The following CFAP54 variants were observed in gnomAD, a reference collection of about 807,000 sequenced individuals.
CFAP54 encodes the protein cilia- and flagella-associated protein 54.
Under a neutral mutation model 370.4 loss-of-function variants are expected in CFAP54, and 290 were observed. That is an observed-to-expected ratio of 0.78 (90% CI 0.71 to 0.86). CFAP54 has a LOEUF of 0.86. CFAP54 is among the 40% of genes least tolerant of loss of function. CFAP54 has a pLI of 0.00. For missense variants in CFAP54, 3,399 were observed against 3,528.7 expected (o/e 0.96, Z 0.93); for synonymous variants, 1,206 against 1,236.5 (o/e 0.98, Z 0.52).
At position 96,594,389 on chromosome 12, in the gene CFAP54, T is replaced by A. The variant is rs1218098218; in HGVS notation, c.3459T>A (p.Cys1153Ter). Residue 1153 changes from cysteine (C) to a stop codon, truncating the protein, a stop_gained, in exon 25 of 68, where the codon TGT becomes TGA. Coordinates refer to ENST00000524981, the MANE Select transcript of CFAP54 (RefSeq NM_001306084.2). LOFTEE classifies it high-confidence loss of function. ...SSYALQAVTQ[C>*]YGLLAPIIYH... is the part of the protein sequence containing the mutation. ...ATGCCCTTCAAGCTGTGACTCAATG[T>A]TATGGACTTCTTGCTCCCATAATTT... The A allele has an allele frequency of 1.3e-6, 2 of 1,534,612 alleles. No individual in the cohort carries two copies. The highest frequency in any genetic ancestry group is 2.0e-5 in the Admixed American group (1 of 50,994).
intron 66 of CFAP54, among the ~76,000 whole-genome samples, chr12:96,834,850 G>A (rs1959181193): frequency 6.6e-6 from 1 of 152,226 alleles, no homozygotes; most frequent in Admixed American, 6.5e-5. Context: ...GAAGAATGAG[G>A]TACACAGACA....
intron 61 of CFAP54, among the ~76,000 whole-genome samples, chr12:96,785,988 G>T (rs1319712083): frequency 6.6e-6 from 1 of 152,100 alleles, no homozygotes; most frequent in Non-Finnish European, 1.5e-5. Context: ...ACCCTTATTG[G>T]CTCTTTTTGT....
chr12:96,693,376 A>G (rs573861741), intron 44 of CFAP54, among the ~76,000 whole-genome samples: 10 of 152,236 alleles, frequency 6.6e-5, no homozygotes, highest in Admixed American at 3.9e-4. Context: ...ATTTTTCCAC[A>G]GGCCACAGTG....
intron 66 of CFAP54, among the ~76,000 whole-genome samples, chr12:96,856,214 C>T (rs112804374): frequency 0.015 from 2,319 of 152,260 alleles, 69 homozygotes; most frequent in African/African-American, 0.053. Flanking sequence ...TTTTTCCCTC[C>T]TAGACCCTGG....
At chr12:96,620,834 G>C (rs1956479122) in intron 26 of CFAP54, among the ~76,000 whole-genome samples, 1 of 152,228 alleles carries the variant, frequency 6.6e-6, no homozygotes, top group Admixed American at 6.5e-5. Flanking sequence ...GCAGACAGCT[G>C]TTCTGGGAAA....
In CFAP54 at chr12:96,699,638, CA is replaced by C. The variant is rs541656249; in HGVS notation, c.6352-325del. Among the ~76,000 whole-genome samples, 464 of 151,498 alleles carry C rather than the reference CA, an allele frequency of 3.1e-3. 3 individuals carry two copies. The highest frequency in any genetic ancestry group is 0.01 in the African/African-American group (424 of 41,314). ...TTTGAGCTATAGTTAGTAATGGGAA[CA>C]AAAAAAATCATTAAAAAAACTTTTA... On this transcript the variant is annotated intron_variant, in intron 45 of 67. Coordinates refer to ENST00000524981, the MANE Select transcript of CFAP54 (RefSeq NM_001306084.2).
intron 39 of CFAP54, among the ~76,000 whole-genome samples, chr12:96,666,140 A>G (rs530529010): frequency 7.9e-5 from 12 of 152,342 alleles, no homozygotes; most frequent in African/African-American, 2.9e-4. Context: ...AGAGATATTG[A>G]TAGGCAAAAA....
In CFAP54 at chr12:96,672,380, T is replaced by C. The variant is rs148374561; in HGVS notation, c.5564-7220T>C. Among the ~76,000 whole-genome samples the C allele has an allele frequency of 1.7e-3, 253 of 152,236 alleles. 2 individuals carry two copies. Among genetic ancestry groups the C allele is most frequent in the Non-Finnish European group, 2.7e-3 (187 of 68,014 alleles). Reference sequence around the variant, plus strand: ...AAGGTAGAGATGGAAAGCATTCTCATTGGGTACTGGAAGTTTTCTCAATGA... The same window carrying C: ...AAGGTAGAGATGGAAAGCATTCTCACTGGGTACTGGAAGTTTTCTCAATGA... On this transcript the variant is annotated intron_variant, in intron 39 of 67. Coordinates refer to ENST00000524981, the MANE Select transcript of CFAP54 (RefSeq NM_001306084.2).
rs180986665 is a variant in CFAP54, at chr12:96,538,460, G to A, written c.1868G>A (p.Arg623Gln). ...LWQKCKLGIQ[R>Q]LNISRNDYAK... ...CAGAAATGCAAATTAGGAATTCAGC[G>A]GCTCAATATATCCAGAAATGACTAT... Residue 623 changes from arginine (R) to glutamine (Q), a missense_variant, in exon 13 of 68, where the codon CGG (arginine) becomes CAG (glutamine). This residue lies in a region of CFAP54 where 2,796 missense variants were observed against 2,869.7 expected (regional missense o/e 0.97). Transcript: ENST00000524981. The A allele has an allele frequency of 9.6e-4, 1,480 of 1,535,982 alleles. 17 individuals carry two copies. The African/African-American group carries it at 0.018, about 19-fold the overall frequency.
chr12:96,581,076 A>G lies in CFAP54; in HGVS notation c.3046A>G (p.Thr1016Ala), dbSNP rs1193408567. The part of the protein sequence containing the change: ...KPILVYPPLS[T>A]ITARMFLTQV... ...AATTCTGGTTTATCCCCCTCTTTCTACTATTACTGCTCGGATGTTCCTGAC... is the reference window on the plus strand; with the variant it reads ...AATTCTGGTTTATCCCCCTCTTTCTGCTATTACTGCTCGGATGTTCCTGAC... Residue 1016 changes from threonine (T) to alanine (A), a missense_variant, in exon 22 of 68, where the codon ACT becomes GCT. By Grantham distance (58) the Thr-to-Ala change is moderately conservative. This residue lies in a region of CFAP54 where 2,796 missense variants were observed against 2,869.7 expected (regional missense o/e 0.97). Transcript: ENST00000524981. The G allele has an allele frequency of 1.3e-6, 2 of 1,519,640 alleles. No individual in the cohort carries two copies. The highest frequency in any genetic ancestry group is 2.1e-5 in the Admixed American group (1 of 47,938). The allele number at this position is 1,519,640 out of a possible 1,614,324, so 94.1% of individuals were successfully genotyped here.
intron 26 of CFAP54, among the ~76,000 whole-genome samples, chr12:96,602,288 A>G (rs1956251130): frequency 6.6e-6 from 1 of 152,140 alleles, no homozygotes; most frequent in South Asian, 2.1e-4. Flanking sequence ...CTTAATCCCG[A>G]GTTCTAATTT....
chr12:96,525,786 GT>G (rs947551073), intron 8 of CFAP54, among the ~76,000 whole-genome samples: 4 of 152,158 alleles, frequency 2.6e-5, no homozygotes, highest in African/African-American at 9.7e-5. Flanking sequence ...TGCCTCCTGG[GT>G]TCAAGCGATT....
intron 60 of CFAP54, among the ~76,000 whole-genome samples, chr12:96,770,682 G>A (rs1026684840): frequency 2.0e-5 from 3 of 152,236 alleles, no homozygotes; most frequent in Admixed American, 2.0e-4. Context: ...AAGGGGATGA[G>A]TGGCACCTGA....
intron 50 of CFAP54, among the ~76,000 whole-genome samples, chr12:96,726,475 A>G (rs1048043280): frequency 1.3e-5 from 2 of 152,214 alleles, no homozygotes; most frequent in Non-Finnish European, 2.9e-5. Context: ...AGGTGTTTAT[A>G]GTATTCTCTG....
chr12:96,650,073 G>T lies in CFAP54; in HGVS notation c.4872+1G>T. On this transcript the variant is annotated splice_donor_variant, in intron 35 of 67. Coordinates refer to ENST00000524981, the MANE Select transcript of CFAP54 (RefSeq NM_001306084.2). LOFTEE classifies it high-confidence loss of function. ...CTTTTTATACTGCAGGAGAGCAATGGTAATGCAATCTTTCTTGTTTGCAGT... is the reference window on the plus strand; with the variant it reads ...CTTTTTATACTGCAGGAGAGCAATGTTAATGCAATCTTTCTTGTTTGCAGT... 6.2e-7 allele frequency: 1 copy of T among 1,602,344 alleles called. No individual in the cohort carries two copies. The highest frequency in any genetic ancestry group is 1.1e-5 in the South Asian group (1 of 88,130).
At chr12:96,784,225 G>A (rs1958607668) in intron 60 of CFAP54, among the ~76,000 whole-genome samples, 1 of 152,074 alleles carries the variant, frequency 6.6e-6, no homozygotes, top group Admixed American at 6.5e-5. Flanking sequence ...CACAAATAAT[G>A]TGTGAACATT....
At chr12:96,504,122 A>G (rs2136350768) in intron 3 of CFAP54, 93 bp downstream of exon 3, 1 of 1,215,208 alleles carries the variant, frequency 8.2e-7, no homozygotes, top group Admixed American at 3.3e-5. Flanking sequence ...TTGTTGGCTT[A>G]GCATAGCATC....
intron 50 of CFAP54, among the ~76,000 whole-genome samples, chr12:96,737,934 C>T (rs1303776871): frequency 6.6e-6 from 1 of 152,030 alleles, no homozygotes; most frequent in Non-Finnish European, 1.5e-5. Context: ...AAAGGAGGAG[C>T]GAGCATGGAA....
chr12:96,843,640 A>G (rs1009704209), intron 66 of CFAP54, among the ~76,000 whole-genome samples: 7 of 152,214 alleles, frequency 4.6e-5, no homozygotes, highest in African/African-American at 1.7e-4. Context: ...TCTGCACTGC[A>G]TGACCTCTAA....
Sources: gnomAD v4.1 joint callset for allele counts (sites outside exome capture counted in the v4.1 genomes callset) on GRCh38, gnomAD v4.1.1 for gene constraint, gnomAD v4.1.1 regional missense constraint, MANE v1.5 for transcripts, NCBI Gene and HGNC (gene_info 2026-07-23, HGNC 2026-07-21) for gene names.